Variants in CA10 observed in about 807,000 individuals in gnomAD.
The protein encoded by CA10 is carbonic anhydrase-related protein 10.
Under a neutral mutation model 44.2 loss-of-function variants are expected in CA10, and 14 were observed. The ratio of observed to expected loss-of-function variants is 0.32; its 90% CI spans 0.21 to 0.50. CA10 has a LOEUF of 0.50. Among genes scored for constraint, CA10 ranks in the 20% least tolerant of loss-of-function variants. The probability of loss-of-function intolerance (pLI) is 0.99; values close to 1 mark genes in which losing one functional copy is unlikely to be tolerated. For synonymous variants in CA10, 159 were observed against 141.6 expected, an observed-to-expected ratio of 1.12 and a Z score of -0.87; for missense variants, 350 against 409.7, an observed-to-expected ratio of 0.85 and a Z score of 1.26.
intron 3 of CA10, among the ~76,000 whole-genome samples, chr17:51,824,715 C>T (rs1326240269): frequency 1.3e-5 from 2 of 152,202 alleles, no homozygotes; most frequent in South Asian, 2.1e-4. Flanking sequence ...ATTCTTTGGG[C>T]ATTTCCTCCC....
chr17:51,692,555 C>T (rs924359429), intron 4 of CA10, among the ~76,000 whole-genome samples: 2 of 152,090 alleles, frequency 1.3e-5, no homozygotes, highest in Non-Finnish European at 2.9e-5. Flanking sequence ...TGCTTAATTG[C>T]TCATGACCAC....
rs1906640333 is a variant in CA10, at chr17:51,794,610, A to G, written c.280-46792T>C. ...TATAAGTATCATGTGTTATATATCT[A>G]TATATACACTACATATAACATTCAA... On this transcript the variant is annotated intron_variant, in intron 3 of 8. Coordinates refer to ENST00000451037, the MANE Select transcript of CA10 (RefSeq NM_020178.5). 2.0e-5 allele frequency among the ~76,000 whole-genome samples: 3 copies of G among 152,242 alleles called. No homozygotes were observed. In the South Asian group the frequency reaches 6.2e-4, roughly 31 times the overall value.
chr17:51,996,547 A>T (rs1172987427), intron 2 of CA10, among the ~76,000 whole-genome samples: 1 of 151,960 alleles, frequency 6.6e-6, no homozygotes, highest in Non-Finnish European at 1.5e-5. Flanking sequence ...TGGCCCTCTT[A>T]TATTTCTCCA....
In CA10 at chr17:51,631,574, G is replaced by C. The variant is rs1597949844; in HGVS notation, c.*10C>G. 1.2e-6 allele frequency: 2 copies of C among 1,611,718 alleles called. No individual in the cohort carries two copies. The highest frequency in any genetic ancestry group is 2.2e-5 in the East Asian group (1 of 44,836). ...TTTCACTGAGGTGGGATTCTTCTTG[G>C]CTTTGTTCCCTACTTGAGGAGCCAT... On this transcript the variant is annotated 3_prime_UTR_variant, in exon 9 of 9. Transcript: ENST00000451037.
intron 2 of CA10, among the ~76,000 whole-genome samples, chr17:51,939,213 T>A: frequency 6.6e-6 from 1 of 152,120 alleles, no homozygotes; most frequent in East Asian, 1.9e-4. Flanking sequence ...TGGATGTCCC[T>A]CCATGTCCAT....
intron 1 of CA10, chr17:52,135,191 C>A (rs948743274): frequency 2.7e-5 from 9 of 336,820 alleles, no homozygotes; most frequent in African/African-American, 1.9e-4. Context: ...ATATCCCTCC[C>A]TCGCTAACCA....
Position 51,822,856 on chromosome 17 carries a change from C to T in CA10, c.280-75038G>A, listed in dbSNP as rs111937222. Among the ~76,000 whole-genome samples, 862 of 152,206 alleles carry T rather than the reference C, an allele frequency of 5.7e-3. 8 individuals are homozygous for T. The highest frequency in any genetic ancestry group is 0.019 in the African/African-American group (800 of 41,534). On this transcript the variant is annotated intron_variant, in intron 3 of 8. Transcript: ENST00000451037. ...CAAATATCATGTGAGAAGACTCAAA[C>T]GAATGAAAGGTCATGATTCATTTGT...
intron 2 of CA10, among the ~76,000 whole-genome samples, chr17:52,065,055 T>C (rs1860560): frequency 0.99 from 151,135 of 152,340 alleles, 74,972 homozygotes; most frequent in East Asian, 1. Flanking sequence ...TCTCCAACCA[T>C]TTTGCACTTG....
intron 4 of CA10, among the ~76,000 whole-genome samples, chr17:51,746,357 C>T (rs960271786): frequency 2.6e-5 from 4 of 152,258 alleles, no homozygotes; most frequent in African/African-American, 7.2e-5. Flanking sequence ...CTAAACTGTG[C>T]CTTAGAAGGC....
intron 1 of CA10, among the ~76,000 whole-genome samples, chr17:52,112,659 G>A (rs1019113832): frequency 2.0e-5 from 3 of 152,174 alleles, no homozygotes; most frequent in African/African-American, 7.2e-5. Context: ...AGGGTTGATA[G>A]GAAGATTGAG....
chr17:51,994,492 A>G (rs1448546592), intron 2 of CA10, among the ~76,000 whole-genome samples: 2 of 151,992 alleles, frequency 1.3e-5, no homozygotes, highest in Non-Finnish European at 2.9e-5. Flanking sequence ...AAGTCCTGAG[A>G]GACAGTATGA....
intron 4 of CA10, among the ~76,000 whole-genome samples, chr17:51,660,595 G>A (rs1344719194): frequency 1.3e-5 from 2 of 152,158 alleles, no homozygotes; most frequent in East Asian, 3.9e-4. Context: ...GCCTCAGGAG[G>A]GCAACAGGCT....
intron 4 of CA10, among the ~76,000 whole-genome samples, chr17:51,654,558 ATTTTTTTT>A (rs35152422): frequency 6.9e-6 from 1 of 145,236 alleles, no homozygotes; most frequent in Non-Finnish European, 1.5e-5. Flanking sequence ...TGGAAGCCTA[ATTTTTTTT>A]TTTTTTTTAA....
At chr17:51,707,881 G>A (rs983085459) in intron 4 of CA10, among the ~76,000 whole-genome samples, 5 of 152,092 alleles carry the variant, frequency 3.3e-5, no homozygotes, top group African/African-American at 1.2e-4. Flanking sequence ...AGAACTCATC[G>A]GGCTTCTCCA....
chr17:51,989,679 T>C (rs1984972525), intron 2 of CA10, among the ~76,000 whole-genome samples: 1 of 152,056 alleles, frequency 6.6e-6, no homozygotes, highest in Non-Finnish European at 1.5e-5. Context: ...GAGGCCATTA[T>C]CCTTAGCAAA....
chr17:51,821,981 G>A (rs952447630), intron 3 of CA10, among the ~76,000 whole-genome samples: 1 of 152,120 alleles, frequency 6.6e-6, no homozygotes, highest in African/African-American at 2.4e-5. Flanking sequence ...CAGCCTCCTT[G>A]CTTGGCCCTG....
rs992904704 is a variant in CA10, at chr17:52,020,748, C to T, written c.136+51571G>A. On this transcript the variant is annotated intron_variant, in intron 2 of 8. Coordinates refer to ENST00000451037, the MANE Select transcript of CA10 (RefSeq NM_020178.5). Reference sequence around the variant, plus strand: ...CTGATGTTTGGGGCATGATTGATTCCATCACCCAGGTAGTAAACATAGTAC... The same window carrying T: ...CTGATGTTTGGGGCATGATTGATTCTATCACCCAGGTAGTAAACATAGTAC... Among the ~76,000 whole-genome samples the T allele has an allele frequency of 3.0e-4, 45 of 151,810 alleles. 1 individual carries two copies. Among genetic ancestry groups the T allele is most frequent in the African/African-American group, 1.1e-3 (45 of 41,386 alleles).
At chr17:51,903,725 T>C (rs1276401572) in intron 3 of CA10, among the ~76,000 whole-genome samples, 1 of 152,150 alleles carries the variant, frequency 6.6e-6, no homozygotes, top group Admixed American at 6.6e-5. Context: ...TAGCCAACAC[T>C]TGTACCCCAT....
chr17:51,804,065 C>T (rs531095774), intron 3 of CA10, among the ~76,000 whole-genome samples: 82 of 152,296 alleles, frequency 5.4e-4, no homozygotes, highest in African/African-American at 1.8e-3. Context: ...CATAGAGTCA[C>T]TGTGCATAAT....
Sources: gnomAD v4.1 joint callset for allele counts (sites outside exome capture counted in the v4.1 genomes callset) on GRCh38, gnomAD v4.1.1 for gene constraint, MANE v1.5 for transcripts, NCBI Gene and HGNC (gene_info 2026-07-23, HGNC 2026-07-21) for gene names.